TBC1D22A: variants seen among roughly 807,000 people sequenced by gnomAD.
The protein encoded by TBC1D22A is TBC1 domain family member 22A.
TBC1D22A carries 38 observed loss-of-function variants against 60.2 expected under a neutral mutation model. That is an observed-to-expected ratio of 0.63 (90% confidence interval 0.49 to 0.83). The LOEUF is 0.83. Among genes scored for constraint, TBC1D22A ranks in the 40% least tolerant of loss-of-function variants. The pLI, the probability that TBC1D22A is intolerant of heterozygous loss-of-function variation, is 0.00. For missense variants in TBC1D22A, 628 were observed against 701.0 expected (o/e 0.90, Z 1.18); for synonymous variants, 302 against 281.7 (o/e 1.07, Z -0.72).
At chr22:46,932,206 C>T (rs1334183690) in intron 8 of TBC1D22A, among the ~76,000 whole-genome samples, 1 of 152,210 alleles carries the variant, frequency 6.6e-6, no homozygotes, top group Non-Finnish European at 1.5e-5. Context: ...ACATGATCAC[C>T]TGGAATTCTT....
intron 4 of TBC1D22A, among the ~76,000 whole-genome samples, chr22:46,828,957 A>T (rs911779618): frequency 6.6e-6 from 1 of 152,142 alleles, no homozygotes; most frequent in African/African-American, 2.4e-5. Flanking sequence ...TCTGTTTCAG[A>T]TGAGCTAGAG....
At chr22:46,882,884 T>G (rs189755522) in intron 5 of TBC1D22A, among the ~76,000 whole-genome samples, 1 of 152,242 alleles carries the variant, frequency 6.6e-6, no homozygotes, top group Non-Finnish European at 1.5e-5. Context: ...TTAACATGAT[T>G]CTAGTAGCCT....
At chr22:46,980,854 A>G (rs9917597) in intron 9 of TBC1D22A, among the ~76,000 whole-genome samples, 2 of 152,246 alleles carry the variant, frequency 1.3e-5, no homozygotes, top group African/African-American at 2.4e-5. Context: ...TGAATAAGAA[A>G]GAGAAGAGAA....
In TBC1D22A at chr22:47,174,746, G is replaced by T. The variant is rs1200586189; in HGVS notation, c.*1120G>T. ...GTGGACTGGTTCCCGCCGTGGACCA[G>T]TTCCCGCTGTATACTGGTTCTGCCC... On this transcript the variant is annotated 3_prime_UTR_variant, in exon 13 of 13. Coordinates refer to ENST00000337137, the MANE Select transcript of TBC1D22A (RefSeq NM_014346.5). The T allele has an allele frequency of 6.7e-6, 1 of 149,028 alleles. No homozygotes were observed. Among genetic ancestry groups the T allele is most frequent in the Non-Finnish European group, 1.5e-5 (1 of 66,072 alleles). The allele number at this position is 149,028 out of a possible 1,614,324, so 9.2% of individuals were successfully genotyped here.
intron 8 of TBC1D22A, among the ~76,000 whole-genome samples, chr22:46,950,825 C>A (rs1467944030): frequency 6.6e-6 from 1 of 152,158 alleles, no homozygotes; most frequent in Non-Finnish European, 1.5e-5. Flanking sequence ...CAATACAAAA[C>A]CAAACACACC....
intron 9 of TBC1D22A, among the ~76,000 whole-genome samples, chr22:46,977,250 A>G (rs1175810947): frequency 6.6e-6 from 1 of 152,212 alleles, no homozygotes; most frequent in African/African-American, 2.4e-5. Flanking sequence ...CTGGATGGTC[A>G]TAACTATGTT....
chr22:47,119,491 C>G (rs1007452246), intron 12 of TBC1D22A, among the ~76,000 whole-genome samples: 9 of 150,716 alleles, frequency 6.0e-5, no homozygotes, highest in African/African-American at 2.2e-4. Context: ...CTACCTTAGA[C>G]TGGGTAATTT....
At chr22:47,117,398 C>T (rs1194648128) in intron 12 of TBC1D22A, among the ~76,000 whole-genome samples, 15 of 11,942 alleles carry the variant, frequency 1.3e-3, no homozygotes, top group African/African-American at 6.1e-3. Context: ...AGAGTCACCC[C>T]ACACCGTGGC....
chr22:46,907,015 T>C (rs1341970785), intron 7 of TBC1D22A, among the ~76,000 whole-genome samples: 1 of 152,048 alleles, frequency 6.6e-6, no homozygotes, highest in African/African-American at 2.4e-5. Flanking sequence ...CTTTTCTCTG[T>C]GTGCACGCTT....
intron 5 of TBC1D22A, among the ~76,000 whole-genome samples, chr22:46,890,814 G>A (rs560275257): frequency 3.6e-4 from 55 of 152,210 alleles, no homozygotes; most frequent in Non-Finnish European, 7.2e-4. Flanking sequence ...GTGTGTATAT[G>A]CATGCGTGTA....
In TBC1D22A at chr22:46,773,954, C is replaced by T. The variant is rs112963257; in HGVS notation, c.62+11106C>T. The T allele has an allele frequency of 4.1e-6, 4 of 985,528 alleles. No homozygotes were observed. The African/African-American group carries it at 5.2e-5, about 13-fold the overall frequency. 61.0% of individuals were successfully genotyped at this position (985,528 alleles called of 1,614,324 possible). ...AAGTCTGTGCCCTTACCCATCACAG[C>T]CTCATCCTTATCTCCTCCATTCCCT... On this transcript the variant is annotated intron_variant, in intron 1 of 12. Transcript: ENST00000337137.
chr22:46,865,134 G>T (rs1168154307), intron 4 of TBC1D22A, among the ~76,000 whole-genome samples: 1 of 152,110 alleles, frequency 6.6e-6, no homozygotes, highest in African/African-American at 2.4e-5. Flanking sequence ...TATAAATCCA[G>T]GTGGTTGGCA....
intron 1 of TBC1D22A, among the ~76,000 whole-genome samples, chr22:46,768,430 A>G (rs1195254720): frequency 7.0e-6 from 1 of 143,548 alleles, no homozygotes; most frequent in East Asian, 2.1e-4. Context: ...GGTTGCAGTG[A>G]GCCAAGGTCG....
chr22:47,166,310 A>C (rs1319406780), intron 12 of TBC1D22A, among the ~76,000 whole-genome samples: 1 of 152,228 alleles, frequency 6.6e-6, no homozygotes, highest in Non-Finnish European at 1.5e-5. Context: ...TGCTGTCCAG[A>C]AGGAATGTGT....
At chr22:46,781,038 G>T (rs2083910683) in intron 1 of TBC1D22A, among the ~76,000 whole-genome samples, 1 of 151,976 alleles carries the variant, frequency 6.6e-6, no homozygotes, top group African/African-American at 2.4e-5. Flanking sequence ...TTTCTCTTGG[G>T]CATTTCCCCC....
Position 47,140,152 on chromosome 22 carries a change from T to C in TBC1D22A, c.1425+28549T>C, listed in dbSNP as rs186843001. 5.3e-3 allele frequency among the ~76,000 whole-genome samples: 811 copies of C among 152,238 alleles called. 10 individuals are homozygous for C. Among genetic ancestry groups the C allele is most frequent in the African/African-American group, 0.019 (776 of 41,556 alleles). ...AATGTTGAGCAAAAACTGAGCTGTG[T>C]GTATTTAGAAATCAATTGAAAACAT... On this transcript the variant is annotated intron_variant, in intron 12 of 12. Transcript: ENST00000337137.
intron 7 of TBC1D22A, among the ~76,000 whole-genome samples, chr22:46,903,599 C>T (rs76855462): frequency 0.012 from 1,843 of 152,268 alleles, 21 homozygotes; most frequent in African/African-American, 0.04. Flanking sequence ...CGGGCCCTGT[C>T]CAGGGGCATG....
At chr22:47,124,023 G>A (rs2066363763) in intron 12 of TBC1D22A, among the ~76,000 whole-genome samples, 1 of 152,206 alleles carries the variant, frequency 6.6e-6, no homozygotes, top group African/African-American at 2.4e-5. Flanking sequence ...GGACACCATT[G>A]ACAACGGCTG....
chr22:46,774,506 C>G (rs567880168), intron 1 of TBC1D22A, among the ~76,000 whole-genome samples: 78 of 152,318 alleles, frequency 5.1e-4, no homozygotes, highest in Admixed American at 8.5e-4. Flanking sequence ...GCTTAGAATA[C>G]CTGTGGGTTT....
Sources: gnomAD v4.1 joint callset for allele counts (sites outside exome capture counted in the v4.1 genomes callset) on GRCh38, gnomAD v4.1.1 for gene constraint, MANE v1.5 for transcripts, NCBI Gene and HGNC (gene_info 2026-07-23, HGNC 2026-07-21) for gene names.